The following FN1 variants were observed in gnomAD, a reference collection of about 807,000 sequenced individuals.
FN1 encodes the protein fibronectin 1.
A neutral mutation model predicts 297.3 loss-of-function variants in FN1; 106 were observed. The observed-to-expected ratio is 0.36, with a 90% CI of 0.30 to 0.42. FN1 has a LOEUF of 0.42. FN1 is among the 10% of genes least tolerant of loss of function. FN1 has a pLI of 1.00. For synonymous variants in FN1, 1,149 were observed against 1,152.6 expected, an observed-to-expected ratio of 1.00 and a Z score of 0.06; for missense variants, 2,690 against 3,124.9, an observed-to-expected ratio of 0.86 and a Z score of 3.32.
chr2:215,372,453 C>G, intron 39 of FN1, 78 bp from the exon 40 acceptor site: 1 of 1,053,676 alleles, frequency 9.5e-7, no homozygotes, highest in Non-Finnish European at 1.5e-6. Context: ...ATAATCGATT[C>G]AGGCAACAAT....
Position 215,394,527 on chromosome 2 carries a change from C to A in FN1, c.3796+1G>T, listed in dbSNP as rs1179145237. The A allele has an allele frequency of 6.2e-7, 1 of 1,610,984 alleles. No homozygotes were observed. The highest frequency in any genetic ancestry group is 1.3e-5 in the African/African-American group (1 of 74,802). On this transcript the variant is annotated splice_donor_variant, in intron 24 of 45. Coordinates refer to ENST00000354785, the MANE Select transcript of FN1 (RefSeq NM_212482.4). LOFTEE classifies it high-confidence loss of function. ...AGGATAGCAGCTTATTTTTCTATTA[C>A]CTGGGATGATGGTATCAGAGATAGG...
In FN1 at chr2:215,371,978, G is replaced by T; in HGVS notation, c.6645C>A (p.Ala2215=). The part of the protein sequence containing the change: ...EALSQTTISW[A]PFQDTSEYII... ...TGTACTCAGAAGTGTCCTGGAATGG[G>T]GCCCATGAGATGGTTGTCTGAGAGA... The change falls in exon 40 of 46, where the codon GCC becomes GCA. Residue 2215 remains alanine, a synonymous_variant. Transcript: ENST00000354785. The T allele has an allele frequency of 6.2e-7, 1 of 1,614,192 alleles. No individual in the cohort carries two copies. Among genetic ancestry groups the T allele is most frequent in the Non-Finnish European group, 8.5e-7 (1 of 1,180,036 alleles).
Position 215,375,692 on chromosome 2 carries a change from T to G in FN1, c.5914A>C (p.Ile1972Leu). The change falls in exon 37 of 46, where the codon ATC becomes CTC. Residue 1972 changes from isoleucine (I) to leucine (L), a missense_variant. This residue lies in a region of FN1 where 1,743 missense variants were observed against 1,945.2 expected (regional missense o/e 0.90). Transcript: ENST00000354785. ...TGLQPGTDYKIYLYTLNDNAR... is the reference protein window; with the variant it reads ...TGLQPGTDYKLYLYTLNDNAR... The stretch of plus-strand genomic sequence containing the variant: ...TTGTCATTCAAGGTGTACAGGTAGA[T>G]CTTGTAGTCAGTGCCTGGTTGTAAA... 6.2e-7 allele frequency: 1 copy of G among 1,612,552 alleles called. No homozygotes were observed. The highest frequency in any genetic ancestry group is 1.3e-5 in the African/African-American group (1 of 75,028).
chr2:215,373,308 C>T lies in FN1; in HGVS notation c.6247+14G>A, dbSNP rs749592680. On this transcript the variant is annotated intron_variant, in intron 39 of 45. Coordinates refer to ENST00000354785, the MANE Select transcript of FN1 (RefSeq NM_212482.4). ...GTCCTATCTTTCTCCTTGTTACCTG[C>T]AAGATACTCTTACCTGTCTTTTTCC... 24 of 1,598,946 alleles carry T rather than the reference C, an allele frequency of 1.5e-5. No homozygotes were observed. Among genetic ancestry groups the T allele is most frequent in the East Asian group, 2.2e-5 (1 of 44,736 alleles).
At chr2:215,377,089 T>C (rs1005734016) in intron 35 of FN1, among the ~76,000 whole-genome samples, 1 of 148,572 alleles carries the variant, frequency 6.7e-6, no homozygotes. Context: ...AGAGTGTGTG[T>C]GTGTGTGTGT....
intron 9 of FN1, among the ~76,000 whole-genome samples, chr2:215,422,564 T>G (rs2064601089): frequency 6.6e-6 from 1 of 152,232 alleles, no homozygotes; most frequent in African/African-American, 2.4e-5. Context: ...GCTTCATAAC[T>G]TTTCCCAGTT....
intron 19 of FN1, among the ~76,000 whole-genome samples, chr2:215,405,689 G>C (rs903399865): frequency 4.6e-5 from 7 of 152,150 alleles, no homozygotes. Context: ...GTTCCAGTGA[G>C]CTGAGATGGT....
At chr2:215,429,286 C>G (rs532896680) in intron 5 of FN1, among the ~76,000 whole-genome samples, 2 of 152,242 alleles carry the variant, frequency 1.3e-5, no homozygotes, top group African/African-American at 4.8e-5. Flanking sequence ...TCAGTGTTAG[C>G]CCTCCACTGG....
chr2:215,381,078 T>C lies in FN1; in HGVS notation c.5167A>G (p.Ile1723Val). Residue 1723 changes from isoleucine (I) to valine (V), a missense_variant and splice_region_variant, in exon 33 of 46, where the codon ATT becomes GTT. Physicochemically the swap from Ile to Val is conservative, Grantham distance 29. Around this residue, in one of 3 missense-constraint regions of FN1, gnomAD observed 1,743 missense variants for 1,945.2 expected, o/e 0.90. Coordinates refer to ENST00000354785, the MANE Select transcript of FN1 (RefSeq NM_212482.4). ...QPLVQTAVTNIDRPKGLAFTD... is the reference protein window; with the variant it reads ...QPLVQTAVTNVDRPKGLAFTD... ...AATGCCAGTCCTTTAGGGCGATCAA[T>C]GTCTGTTAGGCAAATTAATGGTAAG... 6.2e-7 allele frequency: 1 copy of C among 1,614,128 alleles called. No individual in the cohort carries two copies. Among genetic ancestry groups the C allele is most frequent in the Non-Finnish European group, 8.5e-7 (1 of 1,179,940 alleles).
At chr2:215,435,630 G>A (rs2067345514) in intron 1 of FN1, 25 bp downstream of exon 1, 1 of 1,613,162 alleles carries the variant, frequency 6.2e-7, no homozygotes, top group East Asian at 2.2e-5. Flanking sequence ...GAGGCAGCCT[G>A]TTTCAGCCCG....
rs1209761880 is a variant in FN1 at position 215,376,504 on chromosome 2, T to C, written c.5881A>G (p.Ile1961Val). 6.8e-6 allele frequency: 11 copies of C among 1,614,014 alleles called. No individual in the cohort carries two copies. The highest frequency in any genetic ancestry group is 5.5e-5 in the South Asian group (5 of 91,088). Residue 1961 changes from isoleucine (I) to valine (V), a missense_variant, in exon 36 of 46, where the codon ATC becomes GTC. This residue lies in a region of FN1 where 1,743 missense variants were observed against 1,945.2 expected (regional missense o/e 0.90). Coordinates refer to ENST00000354785, the MANE Select transcript of FN1 (RefSeq NM_212482.4). ...GTGCAATGAGTTCCCTGACCTGTGATGGTGTAGCTTCTGACATCTGGCTTG... is the reference window on the plus strand; with the variant it reads ...GTGCAATGAGTTCCCTGACCTGTGACGGTGTAGCTTCTGACATCTGGCTTG... ...TIKPDVRSYT[I>V]TGLQPGTDYK...
chr2:215,433,854 C>T (rs1419078796), intron 2 of FN1, among the ~76,000 whole-genome samples: 1 of 152,234 alleles, frequency 6.6e-6, no homozygotes, highest in East Asian at 1.9e-4. Flanking sequence ...GTAATCCCAG[C>T]ACTTTGGGAG....
chr2:215,431,480 A>G (rs912140600), intron 4 of FN1, among the ~76,000 whole-genome samples: 2 of 152,016 alleles, frequency 1.3e-5, no homozygotes, highest in African/African-American at 4.8e-5. Context: ...CATTCCATAT[A>G]GAAATGTGTC....
intron 19 of FN1, 40 bp from the exon 20 acceptor site, chr2:215,404,695 C>A: frequency 1.3e-6 from 2 of 1,569,986 alleles, no homozygotes; most frequent in South Asian, 2.2e-5. Context: ...ATATTTAGAT[C>A]AGTAATGATC....
chr2:215,378,975 T>C (rs1353879264), intron 34 of FN1, among the ~76,000 whole-genome samples, 155 bp downstream of exon 34: 1 of 152,206 alleles, frequency 6.6e-6, no homozygotes, highest in Non-Finnish European at 1.5e-5. Context: ...TAGGTCAACA[T>C]AAAGGAATTC....
Position 215,383,548 on chromosome 2 carries a change from C to A in FN1, c.4895-65G>T, listed in dbSNP as rs1316309921. ...CCTTGGAGACAAGATTGGACAAGTC[C>A]TCCTCTCTAGGTCTGGTACATATTC... On this transcript the variant is annotated intron_variant, in intron 30 of 45. Transcript: ENST00000354785. 5.9e-6 allele frequency: 9 copies of A among 1,523,554 alleles called. 1 individual carries two copies. Among genetic ancestry groups the A allele is most frequent in the Non-Finnish European group, 8.2e-6 (9 of 1,097,644 alleles). The allele number at this position is 1,523,554 out of a possible 1,614,324, so 94.4% of individuals were successfully genotyped here. A position where few individuals can be genotyped will look rare whatever the true frequency, so the allele number is the denominator to read the frequency against.
chr2:215,419,177 T>G, intron 12 of FN1, 65 bp downstream of exon 12: 2 of 1,447,836 alleles, frequency 1.4e-6, no homozygotes, highest in Non-Finnish European at 9.7e-7. Context: ...AGAGCATTAA[T>G]AATCACTGCC....
chr2:215,402,371 T>TA (rs915777401), intron 20 of FN1, among the ~76,000 whole-genome samples: 2 of 152,172 alleles, frequency 1.3e-5, no homozygotes, highest in African/African-American at 4.8e-5. Flanking sequence ...GCCCAGCTGT[T>TA]AAAGAAATAA....
intron 6 of FN1, among the ~76,000 whole-genome samples, chr2:215,426,438 G>A (rs1403842409): frequency 2.0e-5 from 3 of 151,958 alleles, no homozygotes; most frequent in African/African-American, 4.8e-5. Flanking sequence ...GTGAGCCACC[G>A]CGCCCGGCCG....
Sources: gnomAD v4.1 joint callset for allele counts (sites outside exome capture counted in the v4.1 genomes callset) on GRCh38, gnomAD v4.1.1 for gene constraint, gnomAD v4.1.1 regional missense constraint, MANE v1.5 for transcripts, NCBI Gene and HGNC (gene_info 2026-07-23, HGNC 2026-07-21) for gene names.